Variants in SIRPA observed in about 807,000 individuals in gnomAD.
The protein encoded by SIRPA is signal regulatory protein alpha.
In SIRPA, 9 loss-of-function variants were observed where a neutral mutation model predicts 50.3. The observed-to-expected ratio is 0.18, with a 90% CI of 0.11 to 0.31. The LOEUF is 0.31. SIRPA is among the 10% of genes least tolerant of loss of function. The probability of loss-of-function intolerance (pLI) is 1.00; values close to 1 mark genes in which losing one functional copy is unlikely to be tolerated. For missense variants in SIRPA, 474 were observed against 661.6 expected, an observed-to-expected ratio of 0.72 and a Z score of 3.11; for synonymous variants, 265 against 284.1, an observed-to-expected ratio of 0.93 and a Z score of 0.68.
intron 1 of SIRPA, among the ~76,000 whole-genome samples, chr20:1,910,510 C>T (rs1390763790): frequency 6.6e-6 from 1 of 152,134 alleles, no homozygotes; most frequent in Non-Finnish European, 1.5e-5. Flanking sequence ...CCTTGCAGAC[C>T]TTTTTCTCTA....
At chr20:1,911,751 T>C (rs1034869081) in intron 1 of SIRPA, among the ~76,000 whole-genome samples, 1 of 152,082 alleles carries the variant, frequency 6.6e-6, no homozygotes, top group Admixed American at 6.5e-5. Context: ...CGGCAGTGCG[T>C]GGGAATGCCT....
At chr20:1,900,837 G>T (rs1003119317) in intron 1 of SIRPA, among the ~76,000 whole-genome samples, 1 of 152,216 alleles carries the variant, frequency 6.6e-6, no homozygotes, top group Non-Finnish European at 1.5e-5. Flanking sequence ...TCTGCTTCCT[G>T]GGCTCAGCAC....
chr20:1,910,691 A>G (rs940009107), intron 1 of SIRPA, among the ~76,000 whole-genome samples: 2 of 152,344 alleles, frequency 1.3e-5, no homozygotes, highest in South Asian at 2.1e-4. Flanking sequence ...GGTTTTTTAA[A>G]AAACAAAATG....
intron 6 of SIRPA, among the ~76,000 whole-genome samples, chr20:1,930,852 A>G (rs982536172): frequency 1.3e-5 from 2 of 152,174 alleles, no homozygotes; most frequent in Admixed American, 6.5e-5. Context: ...GGCCTCCCAA[A>G]GTGCTGGAAT....
intron 1 of SIRPA, among the ~76,000 whole-genome samples, chr20:1,914,305 G>T (rs1464604251): frequency 6.6e-6 from 1 of 152,220 alleles, no homozygotes. Context: ...GGGCGAGCCA[G>T]GTTTCAAACC....
chr20:1,908,976 A>G (rs900188508), intron 1 of SIRPA, among the ~76,000 whole-genome samples: 20 of 152,226 alleles, frequency 1.3e-4, no homozygotes, highest in Non-Finnish European at 2.2e-4. Flanking sequence ...CTTGCACTGC[A>G]TACTCTGGCA....
Position 1,937,410 on chromosome 20 carries a change from T to G in SIRPA, c.1357T>G (p.Tyr453Asp). 6.2e-7 allele frequency: 1 copy of G among 1,613,524 alleles called. No individual in the cohort carries two copies. Among genetic ancestry groups the G allele is most frequent in the Non-Finnish European group, 8.5e-7 (1 of 1,179,910 alleles). ...QAAEPNNHTE[Y>D]ASIQTSPQPA... is the part of the protein sequence containing the mutation. ...TGCGGAGCCCAACAACCACACGGAGTATGCCAGCATTCAGACCAGCCCGCA... is the reference window on the plus strand; with the variant it reads ...TGCGGAGCCCAACAACCACACGGAGGATGCCAGCATTCAGACCAGCCCGCA... The change falls in exon 8 of 8, where the codon TAT becomes GAT. Residue 453 changes from tyrosine (Y) to aspartate (D), a missense_variant. Around this residue, in one of 4 missense-constraint regions of SIRPA, gnomAD observed 180 missense variants for 206.7 expected, o/e 0.87. Transcript: ENST00000358771. This position sits in a 1 kb window ranked among gnomAD's most constrained non-coding sequence, Gnocchi z 8.3.
rs551976305 is a variant in SIRPA at position 1,936,629 on chromosome 20, T to G, written c.1267-691T>G. Among the ~76,000 whole-genome samples the G allele has an allele frequency of 2.6e-4, 39 of 152,366 alleles. No homozygotes were observed. The highest frequency in any genetic ancestry group is 5.1e-4 in the Non-Finnish European group (35 of 68,040). The stretch of plus-strand genomic sequence containing the variant: ...TTTGCCCTGAGTGAAGGTGAAATTA[T>G]TGCCATCCACTCATATATTCATTCA... On this transcript the variant is annotated intron_variant, in intron 7 of 7. Transcript: ENST00000358771. This position sits in a 1 kb window ranked among gnomAD's most constrained non-coding sequence, Gnocchi z 4.2.
chr20:1,896,537 T>C (rs867056354), intron 1 of SIRPA, among the ~76,000 whole-genome samples: 17 of 152,220 alleles, frequency 1.1e-4, no homozygotes, highest in Middle Eastern at 6.8e-3. Flanking sequence ...GTCTTGAAAC[T>C]GTGTTGTAGG....
chr20:1,915,171 C>T lies in SIRPA; in HGVS notation c.152C>T (p.Ala51Val), dbSNP rs747805113. The change falls in exon 2 of 8, where the codon GCC becomes GTC. Residue 51 changes from alanine (A) to valine (V), a missense_variant. Ala to Val is a moderately conservative substitution (Grantham distance 64). Transcript: ENST00000358771. ...KSVLVAAGET[A>V]TLRCTATSLI... is the part of the protein sequence containing the mutation. ...GTGTTGGTTGCAGCTGGAGAGACAGCCACTCTGCGCTGCACTGCGACCTCT... is the reference window on the plus strand; with the variant it reads ...GTGTTGGTTGCAGCTGGAGAGACAGTCACTCTGCGCTGCACTGCGACCTCT... 5 of 1,463,162 alleles carry T rather than the reference C, an allele frequency of 3.4e-6. No homozygotes were observed. The highest frequency in any genetic ancestry group is 3.8e-5 in the Admixed American group (2 of 52,824). 90.6% of individuals were successfully genotyped at this position (1,463,162 alleles called of 1,614,324 possible). A position where few individuals can be genotyped will look rare whatever the true frequency, so the allele number is the denominator to read the frequency against.
In SIRPA at chr20:1,927,753, A is replaced by T. The variant is rs1986066868; in HGVS notation, c.1202-122A>T. 2.3e-6 allele frequency: 2 copies of T among 868,638 alleles called. No individual in the cohort carries two copies. Among genetic ancestry groups the T allele is most frequent in the East Asian group, 2.4e-5 (1 of 41,388 alleles). The allele number at this position is 868,638 out of a possible 1,614,324, so 53.8% of individuals were successfully genotyped here. On this transcript the variant is annotated intron_variant, in intron 5 of 7. Transcript: ENST00000358771. The surrounding 1 kb of genome is among the most constrained non-coding windows in gnomAD (Gnocchi z 6.5). ...GGCATGGGGGTCTCCTGTGGTTCCA[A>T]GGATGTGATTACAGCATTTCCTCTC... is the stretch of plus-strand genomic sequence containing the variant.
chr20:1,919,872 A>G (rs964757983), intron 2 of SIRPA, among the ~76,000 whole-genome samples: 14 of 152,204 alleles, frequency 9.2e-5, no homozygotes, highest in African/African-American at 3.1e-4. Flanking sequence ...GTCATGAGCC[A>G]CAGGGAGCAG....
At chr20:1,906,858 A>G (rs147005312) in intron 1 of SIRPA, among the ~76,000 whole-genome samples, 1 of 152,174 alleles carries the variant, frequency 6.6e-6, no homozygotes, top group African/African-American at 2.4e-5. Flanking sequence ...AGGATCTACT[A>G]ACAGATGGGT....
intron 1 of SIRPA, among the ~76,000 whole-genome samples, chr20:1,914,482 T>C (rs1175806064): frequency 6.6e-6 from 1 of 151,806 alleles, no homozygotes; most frequent in Non-Finnish European, 1.5e-5. Context: ...GCTCTTGCAT[T>C]TGTGTGACAC....
Position 1,934,853 on chromosome 20 carries a change from G to A in SIRPA, c.1266+99G>A, listed in dbSNP as rs748580205. On this transcript the variant is annotated intron_variant, in intron 7 of 7. Coordinates refer to ENST00000358771, the MANE Select transcript of SIRPA (RefSeq NM_001040023.2). The surrounding 1 kb of genome is among the most constrained non-coding windows in gnomAD (Gnocchi z 4.6). ...ATCTGGTTCTAAATTAAGACTCCTTGTGGGGTGGAGGGTGGAGGATCTTAC... is the reference window on the plus strand; with the variant it reads ...ATCTGGTTCTAAATTAAGACTCCTTATGGGGTGGAGGGTGGAGGATCTTAC... 4.7e-5 allele frequency: 62 copies of A among 1,314,842 alleles called. No individual in the cohort carries two copies. Among genetic ancestry groups the A allele is most frequent in the Non-Finnish European group, 6.1e-5 (55 of 908,834 alleles). 81.4% of individuals were successfully genotyped at this position (1,314,842 alleles called of 1,614,324 possible).
At chr20:1,897,825 G>C (rs1290791502) in intron 1 of SIRPA, among the ~76,000 whole-genome samples, 1 of 152,220 alleles carries the variant, frequency 6.6e-6, no homozygotes, top group Non-Finnish European at 1.5e-5. Context: ...CACAAATGCT[G>C]CCAAAGGGAA....
In SIRPA at chr20:1,927,845, C is replaced by T. The variant is rs746750184; in HGVS notation, c.1202-30C>T. 6.2e-6 allele frequency: 10 copies of T among 1,612,328 alleles called. No individual in the cohort carries two copies. The Admixed American group carries it at 1.5e-4, about 24-fold the overall frequency. ...TAAGAAAAGTGTGCTTCTAGTTAAACAACTGGCTTTTGTTTCTTTTGTCTT... is the reference window on the plus strand; with the variant it reads ...TAAGAAAAGTGTGCTTCTAGTTAAATAACTGGCTTTTGTTTCTTTTGTCTT... On this transcript the variant is annotated intron_variant, in intron 5 of 7. Transcript: ENST00000358771. The surrounding 1 kb of genome is among the most constrained non-coding windows in gnomAD (Gnocchi z 6.5).
At position 1,934,804 on chromosome 20, in the gene SIRPA, G is replaced by T. The variant is rs754073338; in HGVS notation, c.1266+50G>T. 1.2e-6 allele frequency: 2 copies of T among 1,603,088 alleles called. No homozygotes were observed. Among genetic ancestry groups the T allele is most frequent in the Admixed American group, 3.3e-5 (2 of 59,752 alleles). ...TCCTGGGAAACTCCGTGGCGTGGTT[G>T]CTTCACATCAACCGGAATTGCAGAT... On this transcript the variant is annotated intron_variant, in intron 7 of 7. Coordinates refer to ENST00000358771, the MANE Select transcript of SIRPA (RefSeq NM_001040023.2). This position sits in a 1 kb window ranked among gnomAD's most constrained non-coding sequence, Gnocchi z 4.6.
At position 1,915,439 on chromosome 20, in the gene SIRPA, T is replaced by A. The variant is rs377742631; in HGVS notation, c.420T>A (p.Thr140=). The A allele has an allele frequency of 6.2e-6, 10 of 1,613,190 alleles. No homozygotes were observed. Among genetic ancestry groups the A allele is most frequent in the Non-Finnish European group, 8.5e-6 (10 of 1,179,340 alleles). The change falls in exon 2 of 8, where the codon ACT becomes ACA. Residue 140 remains threonine (T), a synonymous_variant. Transcript: ENST00000358771. ...TGGAGTTTAAGTCTGGAGCAGGCAC[T>A]GAGCTGTCTGTGCGCGGTGAGTACA... ...DDVEFKSGAG[T]ELSVRAKPSA...
Sources: allele counts gnomAD v4.1 joint callset (sites outside exome capture counted in the v4.1 genomes callset), GRCh38; gene constraint gnomAD v4.1.1; regional missense constraint gnomAD v4.1.1; non-coding constraint Gnocchi (gnomAD v3.1); transcripts MANE v1.5; gene names NCBI Gene and HGNC (gene_info 2026-07-23, HGNC 2026-07-21).